The following ARHGAP32 variants were observed in gnomAD, a reference collection of about 807,000 sequenced individuals.
The protein encoded by ARHGAP32 is rho GTPase-activating protein 32.
In ARHGAP32, 51 loss-of-function variants were observed where a neutral mutation model predicts 186.5. The observed-to-expected ratio is 0.27, with a 90% confidence interval of 0.22 to 0.35. The LOEUF is 0.35. ARHGAP32 is among the 10% of genes least tolerant of loss of function. ARHGAP32 has a pLI of 1.00. For synonymous variants in ARHGAP32, 950 were observed against 964.3 expected (o/e 0.99, Z 0.27); for missense variants, 2,186 against 2,623.5 (o/e 0.83, Z 3.64).
At chr11:129,189,515 T>C (rs977123685) in intron 1 of ARHGAP32, among the ~76,000 whole-genome samples, 1 of 152,232 alleles carries the variant, frequency 6.6e-6, no homozygotes, top group Admixed American at 6.5e-5. Context: ...ATATTCCTCC[T>C]TCTTATCCAG....
At position 129,059,040 on chromosome 11, in the gene ARHGAP32, T is replaced by A. The variant is rs1786460; in HGVS notation, c.963+3240A>T. On this transcript the variant is annotated intron_variant, in intron 10 of 22. Transcript: ENST00000682385. ...ACATGTATGCTTTGCAGTCCACAGTTGGCTAATCTTTACACTATATTTCTT... is the reference window on the plus strand; with the variant it reads ...ACATGTATGCTTTGCAGTCCACAGTAGGCTAATCTTTACACTATATTTCTT... Among the ~76,000 whole-genome samples the A allele has an allele frequency of 8.4e-3, 1,283 of 152,360 alleles. 9 individuals carry two copies. Among genetic ancestry groups the A allele is most frequent in the Non-Finnish European group, 0.012 (822 of 68,028 alleles).
intron 6 of ARHGAP32, 141 bp downstream of exon 6, chr11:129,093,480 C>T: frequency 1.5e-6 from 1 of 657,330 alleles, no homozygotes. Flanking sequence ...GTCATTATTG[C>T]ACAATCTCAT....
At chr11:129,189,395 A>C (rs2135550428) in intron 1 of ARHGAP32, among the ~76,000 whole-genome samples, 1 of 152,354 alleles carries the variant, frequency 6.6e-6, no homozygotes, top group Non-Finnish European at 1.5e-5. Flanking sequence ...GTTAACTGAT[A>C]CACTGTATAA....
rs551490441 is a variant in ARHGAP32 at position 129,156,334 on chromosome 11, T to A, written c.225+7985A>T. Among the ~76,000 whole-genome samples the A allele has an allele frequency of 3.3e-5, 5 of 152,282 alleles. No homozygotes were observed. In the South Asian group the frequency reaches 1.0e-3, roughly 32 times the overall value. On this transcript the variant is annotated intron_variant, in intron 2 of 22. Transcript: ENST00000682385. ...CCCCAAGGAGCCCAGCAAGCTAAGA[T>A]CCACTGCCTTGAAATTCTTGCTGCC...
At chr11:129,279,484 C>T (rs1350109278), upstream of ARHGAP32, among the ~76,000 whole-genome samples, 2 of 145,026 alleles carry the variant, frequency 1.4e-5, no homozygotes, top group East Asian at 4.1e-4. Context: ...GCTCCAGAGC[C>T]TCTCACCCTG....
At chr11:129,165,871 T>C (rs998142121) in intron 1 of ARHGAP32, among the ~76,000 whole-genome samples, 1 of 151,938 alleles carries the variant, frequency 6.6e-6, no homozygotes, top group Non-Finnish European at 1.5e-5. Context: ...CTCTCTGAGA[T>C]TAGATGGATG....
intron 12 of ARHGAP32, among the ~76,000 whole-genome samples, chr11:128,994,010 G>T (rs768505741): frequency 6.6e-6 from 1 of 152,100 alleles, no homozygotes; most frequent in Non-Finnish European, 1.5e-5. Flanking sequence ...TTTTCAGAAA[G>T]AAGTGATATA....
intron 2 of ARHGAP32, among the ~76,000 whole-genome samples, chr11:129,138,523 C>T (rs1241312142): frequency 6.6e-6 from 1 of 152,066 alleles, no homozygotes; most frequent in Non-Finnish European, 1.5e-5. Flanking sequence ...TCTACCATTC[C>T]TCCACTGTAC....
At chr11:129,172,894 C>T (rs1943798530) in intron 1 of ARHGAP32, among the ~76,000 whole-genome samples, 1 of 148,160 alleles carries the variant, frequency 6.7e-6, no homozygotes, top group African/African-American at 2.5e-5. Flanking sequence ...GAGCTAAAGG[C>T]AAGAGCAAAC....
At chr11:128,989,050 A>G (rs1945960860) in intron 12 of ARHGAP32, among the ~76,000 whole-genome samples, 1 of 152,210 alleles carries the variant, frequency 6.6e-6, no homozygotes, top group Non-Finnish European at 1.5e-5. Flanking sequence ...TGAAACATTC[A>G]GAGTGGCAAA....
At chr11:129,106,883 T>C (rs1435442200) in intron 5 of ARHGAP32, among the ~76,000 whole-genome samples, 13 of 152,104 alleles carry the variant, frequency 8.5e-5, no homozygotes, top group Admixed American at 8.5e-4. Flanking sequence ...TATGGAAATC[T>C]AAGAATGAAA....
rs146916377 is a variant in ARHGAP32, at chr11:129,070,839, G to C, written c.532-3971C>G. Among the ~76,000 whole-genome samples, 7 of 151,926 alleles carry C rather than the reference G, an allele frequency of 4.6e-5. No homozygotes were observed. The East Asian group carries it at 1.2e-3, about 25-fold the overall frequency. Reference sequence around the variant, plus strand: ...ATAATGACTTAAAAATTTTCCAGTAGGTGAAAAACTGTATCTTCTTTCATT... The same window carrying C: ...ATAATGACTTAAAAATTTTCCAGTACGTGAAAAACTGTATCTTCTTTCATT... On this transcript the variant is annotated intron_variant, in intron 6 of 22. Coordinates refer to ENST00000682385, the MANE Select transcript of ARHGAP32 (RefSeq NM_001378024.1).
chr11:129,149,851 G>A (rs537080781), intron 2 of ARHGAP32, among the ~76,000 whole-genome samples: 15 of 151,712 alleles, frequency 9.9e-5, no homozygotes, highest in Admixed American at 5.2e-4. Flanking sequence ...TAATCAAGAA[G>A]ACACCAGAAA....
At chr11:129,265,130 C>CA (rs1435015081) in intron 1 of ARHGAP32, among the ~76,000 whole-genome samples, 1 of 152,210 alleles carries the variant, frequency 6.6e-6, no homozygotes, top group African/African-American at 2.4e-5. Context: ...CACTCACTGT[C>CA]AACCTGTTTC....
intron 12 of ARHGAP32, among the ~76,000 whole-genome samples, chr11:128,991,098 G>A (rs188849091): frequency 1.3e-5 from 2 of 152,240 alleles, no homozygotes; most frequent in Admixed American, 1.3e-4. Context: ...TTCATTGGAT[G>A]TGTATATCTG....
At chr11:129,100,490 C>T in intron 5 of ARHGAP32, among the ~76,000 whole-genome samples, 1 of 152,168 alleles carries the variant, frequency 6.6e-6, no homozygotes, top group East Asian at 1.9e-4. Flanking sequence ...ATGTCAGCTT[C>T]CCCTGAGGCC....
At chr11:129,060,058 TTAAC>T (rs1247402918) in intron 10 of ARHGAP32, among the ~76,000 whole-genome samples, 1 of 152,248 alleles carries the variant, frequency 6.6e-6, no homozygotes, top group African/African-American at 2.4e-5. Flanking sequence ...AAACTGATGT[TTAAC>T]TAGTTTTAGA....
intron 11 of ARHGAP32, among the ~76,000 whole-genome samples, chr11:129,038,205 G>T (rs1340504099): frequency 1.3e-5 from 2 of 151,958 alleles, no homozygotes; most frequent in East Asian, 1.9e-4. Context: ...TTTTCCAAGG[G>T]TATCAAGGTA....
chr11:129,161,840 T>A (rs1244299760), intron 2 of ARHGAP32, among the ~76,000 whole-genome samples: 2 of 152,130 alleles, frequency 1.3e-5, no homozygotes, highest in African/African-American at 4.8e-5. Flanking sequence ...TAAAGACAAA[T>A]GCACACGTAT....
Sources: allele counts gnomAD v4.1 joint callset (sites outside exome capture counted in the v4.1 genomes callset), GRCh38; gene constraint gnomAD v4.1.1; transcripts MANE v1.5; gene names NCBI Gene and HGNC (gene_info 2026-07-23, HGNC 2026-07-21).